GPC6: variants seen among roughly 807,000 people sequenced by gnomAD.
The protein encoded by GPC6 is glypican-6.
In GPC6, 14 loss-of-function variants were observed where a neutral mutation model predicts 55.2. That is an observed-to-expected ratio of 0.25 (90% CI 0.17 to 0.40). The LOEUF is 0.40. GPC6 is among the 10% of genes least tolerant of loss of function. The pLI, the probability that GPC6 is intolerant of heterozygous loss-of-function variation, is 1.00. For missense variants in GPC6, 641 were observed against 708.5 expected (o/e 0.90, Z 1.08); for synonymous variants, 278 against 259.6 (o/e 1.07, Z -0.68).
intron 3 of GPC6, among the ~76,000 whole-genome samples, chr13:93,867,875 T>C (rs893016869): frequency 2.0e-5 from 3 of 151,782 alleles, no homozygotes; most frequent in African/African-American, 7.2e-5. Context: ...AGAGAATCCA[T>C]GTCTTGTTGT....
chr13:94,161,020 C>T (rs985637585), intron 4 of GPC6, among the ~76,000 whole-genome samples: 1 of 152,160 alleles, frequency 6.6e-6, no homozygotes, highest in African/African-American at 2.4e-5. Context: ...CCTGCCCCCA[C>T]AGAGCTGTGT....
At chr13:94,100,021 A>G (rs768044492) in intron 4 of GPC6, among the ~76,000 whole-genome samples, 33 of 152,144 alleles carry the variant, frequency 2.2e-4, no homozygotes, top group Non-Finnish European at 4.9e-4. Context: ...ACTGTGCTTA[A>G]TACCTAGGTG....
At chr13:93,239,364 G>A (rs1876353040) in intron 1 of GPC6, among the ~76,000 whole-genome samples, 1 of 151,752 alleles carries the variant, frequency 6.6e-6, no homozygotes, top group Admixed American at 6.6e-5. Flanking sequence ...TAGTTTGTGT[G>A]CTTAGAGATG....
At chr13:94,059,307 G>A (rs1277973347) in intron 4 of GPC6, among the ~76,000 whole-genome samples, 1 of 151,238 alleles carries the variant, frequency 6.6e-6, no homozygotes, top group African/African-American at 2.4e-5. Flanking sequence ...CCAAGCTTGT[G>A]CATCTCTTGA....
At chr13:93,340,664 A>G (rs1043027699) in intron 1 of GPC6, among the ~76,000 whole-genome samples, 2 of 152,192 alleles carry the variant, frequency 1.3e-5, no homozygotes, top group African/African-American at 4.8e-5. Context: ...AGATAGGGTC[A>G]GGTGAGCTGC....
chr13:94,090,402 G>C (rs1020508524), intron 4 of GPC6, among the ~76,000 whole-genome samples: 1 of 152,090 alleles, frequency 6.6e-6, no homozygotes, highest in Admixed American at 6.6e-5. Flanking sequence ...ATTAGCATGA[G>C]ACAGTGAAAT....
At chr13:93,784,844 C>T (rs972998568) in intron 2 of GPC6, among the ~76,000 whole-genome samples, 2 of 152,124 alleles carry the variant, frequency 1.3e-5, no homozygotes, top group African/African-American at 4.8e-5. Context: ...ACAGCTGAGA[C>T]ACAGATTGTG....
chr13:94,071,506 T>A (rs1884734970), intron 4 of GPC6, among the ~76,000 whole-genome samples: 1 of 152,172 alleles, frequency 6.6e-6, no homozygotes, highest in African/African-American at 2.4e-5. Flanking sequence ...TAAAGAAAAT[T>A]ATTCAATACA....
At chr13:93,778,895 T>C (rs1327814806) in intron 2 of GPC6, among the ~76,000 whole-genome samples, 1 of 152,200 alleles carries the variant, frequency 6.6e-6, no homozygotes, top group East Asian at 1.9e-4. Context: ...CATGTTTTGC[T>C]TCCATCCAAT....
chr13:93,967,917 A>C (rs2140391046), intron 3 of GPC6, among the ~76,000 whole-genome samples: 2 of 152,306 alleles, frequency 1.3e-5, no homozygotes, highest in Middle Eastern at 3.4e-3. Flanking sequence ...GACTGAATAG[A>C]TCTTCTGTAA....
chr13:93,219,683 AG>A, the GPC6 span, among the ~76,000 whole-genome samples: 2 of 152,194 alleles, frequency 1.3e-5, no homozygotes, highest in Non-Finnish European at 2.9e-5. Context: ...TCAAATTAAA[AG>A]CTTTGAGTAT....
At chr13:93,469,622 A>G (rs1020609244) in intron 1 of GPC6, among the ~76,000 whole-genome samples, 2 of 152,124 alleles carry the variant, frequency 1.3e-5, no homozygotes, top group South Asian at 2.1e-4. Flanking sequence ...ATCAGCACCA[A>G]TGTTTGTTTA....
chr13:93,382,542 C>T (rs1438955408), intron 1 of GPC6, among the ~76,000 whole-genome samples: 2 of 152,038 alleles, frequency 1.3e-5, no homozygotes, highest in Non-Finnish European at 2.9e-5. Flanking sequence ...ATATCATTGG[C>T]AATTATGTTG....
At chr13:93,468,033 A>G (rs1486617970) in intron 1 of GPC6, among the ~76,000 whole-genome samples, 1 of 152,194 alleles carries the variant, frequency 6.6e-6, no homozygotes. Flanking sequence ...TTTTTTATCC[A>G]CAGATAAACA....
At chr13:93,390,067 G>T (rs745551803) in intron 1 of GPC6, among the ~76,000 whole-genome samples, 6 of 151,970 alleles carry the variant, frequency 3.9e-5, no homozygotes, top group Non-Finnish European at 7.4e-5. Flanking sequence ...CTCTTAATAT[G>T]GGGATATGCT....
At chr13:93,702,321 A>G (rs376135309) in intron 2 of GPC6, among the ~76,000 whole-genome samples, 16 of 152,144 alleles carry the variant, frequency 1.1e-4, no homozygotes, top group African/African-American at 2.9e-4. Flanking sequence ...AGGTCTCAAC[A>G]GTGGGCTTAA....
At chr13:93,828,097 A>G (rs1482644152) in intron 2 of GPC6, among the ~76,000 whole-genome samples, 1 of 151,882 alleles carries the variant, frequency 6.6e-6, no homozygotes, top group Non-Finnish European at 1.5e-5. Context: ...AGTATTCTGT[A>G]TTCAATAAAT....
chr13:93,253,905 G>A (rs9584095), intron 1 of GPC6, among the ~76,000 whole-genome samples: 4,830 of 152,264 alleles, frequency 0.032, 211 homozygotes, highest in African/African-American at 0.097. Flanking sequence ...CTAGAGAAAT[G>A]TTAGGAAAAT....
chr13:94,184,508 C>T lies in GPC6; in HGVS notation c.878-101841C>T, dbSNP rs1004042059. On this transcript the variant is annotated intron_variant, in intron 4 of 8. Coordinates refer to ENST00000377047, the MANE Select transcript of GPC6 (RefSeq NM_005708.5). Reference sequence around the variant, plus strand: ...ATAACAGATACTTCTCAAAAGAAGACGTACACACAACCAACAAACTTATGA... The same window carrying T: ...ATAACAGATACTTCTCAAAAGAAGATGTACACACAACCAACAAACTTATGA... Among the ~76,000 whole-genome samples, 8 of 151,990 alleles carry T rather than the reference C, an allele frequency of 5.3e-5. 1 individual carries two copies. The South Asian group carries it at 8.3e-4, about 16-fold the overall frequency.
Sources: allele counts gnomAD v4.1 joint callset (sites outside exome capture counted in the v4.1 genomes callset), GRCh38; gene constraint gnomAD v4.1.1; transcripts MANE v1.5; gene names NCBI Gene and HGNC (gene_info 2026-07-23, HGNC 2026-07-21).